YPEL2: variants seen among roughly 807,000 people sequenced by gnomAD.
YPEL2 encodes the protein yippee like 2.
YPEL2 carries 2 observed loss-of-function variants against 19.1 expected under a neutral mutation model. The observed-to-expected ratio is 0.10, with a 90% CI of 0.04 to 0.33. The LOEUF is 0.33. Ranked by LOEUF, YPEL2 falls within the 10% of genes least tolerant of loss-of-function variation. YPEL2 has a pLI of 1.00. For missense variants in YPEL2, 66 were observed against 140.7 expected (o/e 0.47, Z 2.68); for synonymous variants, 52 against 50.0 (o/e 1.04, Z -0.17).
intron 1 of YPEL2, among the ~76,000 whole-genome samples, chr17:59,347,217 CAG>C (rs886618424): frequency 3.9e-5 from 6 of 152,134 alleles, no homozygotes; most frequent in African/African-American, 1.4e-4. Context: ...AAGTGAGGTC[CAG>C]AGAGGTTAGG....
At chr17:59,340,156 G>C (rs1189149204) in intron 1 of YPEL2, among the ~76,000 whole-genome samples, 1 of 150,974 alleles carries the variant, frequency 6.6e-6, no homozygotes, top group African/African-American at 2.4e-5. Context: ...TGCCCAAGCT[G>C]GAGTACAATG....
intron 1 of YPEL2, among the ~76,000 whole-genome samples, chr17:59,338,543 A>G (rs1364797893): frequency 3.9e-5 from 6 of 152,234 alleles, no homozygotes. Flanking sequence ...TTACACATAC[A>G]GAAACATTCC....
At position 59,338,290 on chromosome 17, in the gene YPEL2, G is replaced by T. The variant is rs1385546982; in HGVS notation, c.-196+6466G>T. On this transcript the variant is annotated intron_variant, in intron 1 of 4. Coordinates refer to ENST00000312655, the MANE Select transcript of YPEL2 (RefSeq NM_001005404.4). ...ATGGGTGCCACTGAGGCTCAAACAT[G>T]ATCTTCTGGGTGTGAATGGTGACCA... Among the ~76,000 whole-genome samples the T allele has an allele frequency of 6.6e-5, 10 of 152,296 alleles. No homozygotes were observed. The East Asian group carries it at 1.9e-3, about 29-fold the overall frequency.
chr17:59,380,313 G>A (rs1281888253), intron 2 of YPEL2, among the ~76,000 whole-genome samples: 3 of 122,388 alleles, frequency 2.5e-5, no homozygotes, highest in East Asian at 2.3e-4. Flanking sequence ...GTCTCGCTGT[G>A]TCTCCCAGGC....
At position 59,385,670 on chromosome 17, in the gene YPEL2, T is replaced by G. The variant is rs2047976276; in HGVS notation, c.118-2657T>G. 2.6e-5 allele frequency among the ~76,000 whole-genome samples: 4 copies of G among 152,268 alleles called. No individual in the cohort carries two copies. In the South Asian group the frequency reaches 8.3e-4, roughly 32 times the overall value. On this transcript the variant is annotated intron_variant, in intron 2 of 4. Coordinates refer to ENST00000312655, the MANE Select transcript of YPEL2 (RefSeq NM_001005404.4). ...GGTAAGAGGATGAGGAGGGGAGGAT[T>G]CAGAGGGATATGAGGAGATGTTTGG... is the stretch of plus-strand genomic sequence containing the variant.
At chr17:59,337,682 G>A (rs1333021233) in intron 1 of YPEL2, among the ~76,000 whole-genome samples, 1 of 152,146 alleles carries the variant, frequency 6.6e-6, no homozygotes, top group East Asian at 1.9e-4. Flanking sequence ...TAGTGACTAT[G>A]TAGGGCCCTG....
chr17:59,371,657 G>A (rs1234007652), intron 2 of YPEL2, among the ~76,000 whole-genome samples: 1 of 152,160 alleles, frequency 6.6e-6, no homozygotes, highest in East Asian at 1.9e-4. Flanking sequence ...GCCCTGCCGC[G>A]AGACAGGAGG....
intron 4 of YPEL2, among the ~76,000 whole-genome samples, chr17:59,393,251 A>T (rs1255601205): frequency 2.0e-5 from 3 of 150,396 alleles, no homozygotes; most frequent in Admixed American, 2.0e-4. Flanking sequence ...CCTCAGCCTC[A>T]TGAGTAGTTA....
chr17:59,377,586 G>A (rs2047928708), intron 2 of YPEL2, among the ~76,000 whole-genome samples: 1 of 152,234 alleles, frequency 6.6e-6, no homozygotes, highest in Non-Finnish European at 1.5e-5. Flanking sequence ...GATGCTGAGA[G>A]CTGGCAGCAT....
chr17:59,354,764 C>G (rs2047804194), intron 2 of YPEL2: 1 of 152,314 alleles, frequency 6.6e-6, no homozygotes, highest in South Asian at 2.1e-4. Context: ...ACTTTCCTTT[C>G]TTTATGGTTC....
rs981991064 is a variant in YPEL2, at chr17:59,398,271, G to A, written c.*1081G>A. On this transcript the variant is annotated 3_prime_UTR_variant, in exon 5 of 5. Transcript: ENST00000312655. ...CAGGTTCGGTGCATCTTTCCTCTTC[G>A]GTTTTACAGTGGCTTCCGTGGGATC... is the stretch of plus-strand genomic sequence containing the variant. 2 of 152,188 alleles carry A rather than the reference G, an allele frequency of 1.3e-5. No homozygotes were observed. Among genetic ancestry groups the A allele is most frequent in the Non-Finnish European group, 2.9e-5 (2 of 68,090 alleles). The allele number at this position is 152,188 out of a possible 1,614,324, so 9.4% of individuals were successfully genotyped here. A position where few individuals can be genotyped will look rare whatever the true frequency, so the allele number is the denominator to read the frequency against.
intron 2 of YPEL2, among the ~76,000 whole-genome samples, chr17:59,356,941 G>A (rs1228068590): frequency 6.6e-6 from 1 of 152,174 alleles, no homozygotes; most frequent in African/African-American, 2.4e-5. Flanking sequence ...TTATCTTTGG[G>A]GTGAACGTTT....
chr17:59,339,795 A>C (rs1235504082), intron 1 of YPEL2, among the ~76,000 whole-genome samples: 1 of 152,112 alleles, frequency 6.6e-6, no homozygotes, highest in African/African-American at 2.4e-5. Flanking sequence ...TCATCATCAT[A>C]ATGCCTGTCT....
At chr17:59,370,987 C>T (rs978227294) in intron 2 of YPEL2, among the ~76,000 whole-genome samples, 1 of 152,096 alleles carries the variant, frequency 6.6e-6, no homozygotes, top group African/African-American at 2.4e-5. Flanking sequence ...GTGCCCCCAC[C>T]TTACTAGAGT....
intron 2 of YPEL2, chr17:59,362,693 G>A (rs1346657211): frequency 1.3e-5 from 2 of 152,188 alleles, no homozygotes; most frequent in Non-Finnish European, 2.9e-5. Context: ...CAGGGACACT[G>A]GTAATCAAGC....
At chr17:59,379,146 G>A (rs1284231636) in intron 2 of YPEL2, among the ~76,000 whole-genome samples, 1 of 152,140 alleles carries the variant, frequency 6.6e-6, no homozygotes, top group African/African-American at 2.4e-5. Flanking sequence ...TTAGCTAAAT[G>A]TTCACAGCTT....
chr17:59,333,166 C>T (rs998227932), intron 1 of YPEL2, among the ~76,000 whole-genome samples: 2 of 152,232 alleles, frequency 1.3e-5, no homozygotes, highest in African/African-American at 4.8e-5. Flanking sequence ...CGGTGAGGAA[C>T]ATTTTCATTC....
chr17:59,353,771 G>T lies in YPEL2; in HGVS notation c.117+245G>T. ...TGGAGGCTTTGGGAGCTGGCAGCTTGCAAGCCAGAGAAGGGAGGGGCTGGG... is the reference window on the plus strand; with the variant it reads ...TGGAGGCTTTGGGAGCTGGCAGCTTTCAAGCCAGAGAAGGGAGGGGCTGGG... On this transcript the variant is annotated intron_variant, in intron 2 of 4. Transcript: ENST00000312655. This position sits in a 1 kb window ranked among gnomAD's most constrained non-coding sequence, Gnocchi z 4.8. The T allele has an allele frequency of 2.1e-6, 1 of 467,768 alleles. No individual in the cohort carries two copies. The highest frequency in any genetic ancestry group is 4.0e-6 in the Non-Finnish European group (1 of 247,714). 29.0% of individuals were successfully genotyped at this position (467,768 alleles called of 1,614,324 possible).
rs186167931 is a variant in YPEL2 at position 59,333,993 on chromosome 17, A to G, written c.-196+2169A>G. Among the ~76,000 whole-genome samples, 355 of 152,290 alleles carry G rather than the reference A, an allele frequency of 2.3e-3. 4 individuals carry two copies. The highest frequency in any genetic ancestry group is 8.2e-3 in the African/African-American group (340 of 41,564). On this transcript the variant is annotated intron_variant, in intron 1 of 4. Transcript: ENST00000312655. ...CAATCCCAAAATCACTCAGCTGCCAATCACACTAGCTTAGGCTTTGAAAAG... is the reference window on the plus strand; with the variant it reads ...CAATCCCAAAATCACTCAGCTGCCAGTCACACTAGCTTAGGCTTTGAAAAG...
Sources: allele counts gnomAD v4.1 joint callset (sites outside exome capture counted in the v4.1 genomes callset), GRCh38; gene constraint gnomAD v4.1.1; non-coding constraint Gnocchi (gnomAD v3.1); transcripts MANE v1.5; gene names NCBI Gene and HGNC (gene_info 2026-07-23, HGNC 2026-07-21).